The following INTS8 variants were observed in gnomAD, a reference collection of about 807,000 sequenced individuals.
The protein encoded by INTS8 is protein kaonashi-1.
A neutral mutation model predicts 138.9 loss-of-function variants in INTS8; 47 were observed. The observed-to-expected ratio is 0.34, with a 90% CI of 0.27 to 0.43. The LOEUF (loss-of-function observed/expected upper bound fraction) is 0.43, where lower values mean the gene tolerates loss of function less well. Ranked by LOEUF, INTS8 falls within the 20% of genes least tolerant of loss-of-function variation. The probability of loss-of-function intolerance (pLI) is 1.00; values close to 1 mark genes in which losing one functional copy is unlikely to be tolerated. For synonymous variants in INTS8, 392 were observed against 400.9 expected (o/e 0.98, Z 0.27); for missense variants, 996 against 1,173.0 (o/e 0.85, Z 2.20).
intron 15 of INTS8, among the ~76,000 whole-genome samples, chr8:94,859,020 C>T (rs1422579536): frequency 1.3e-5 from 2 of 152,156 alleles, no homozygotes; most frequent in Non-Finnish European, 2.9e-5. Context: ...AATCCCAGCA[C>T]TTTGGGAGTC....
chr8:94,823,358 C>A lies in INTS8; in HGVS notation c.-74C>A. ...CTCTCCCACCGGGTTCCGCATACCCCAGGCACCGGCCCGCATCCAAGTGTC... is the reference window on the plus strand; with the variant it reads ...CTCTCCCACCGGGTTCCGCATACCCAAGGCACCGGCCCGCATCCAAGTGTC... On this transcript the variant is annotated 5_prime_UTR_variant, in exon 1 of 27. Transcript: ENST00000523731. 6.6e-7 allele frequency: 1 copy of A among 1,504,858 alleles called. No individual in the cohort carries two copies. Among genetic ancestry groups the A allele is most frequent in the Non-Finnish European group, 8.8e-7 (1 of 1,130,516 alleles). The allele number at this position is 1,504,858 out of a possible 1,614,324, so 93.2% of individuals were successfully genotyped here.
intron 21 of INTS8, among the ~76,000 whole-genome samples, chr8:94,872,748 C>G (rs1278129872): frequency 6.6e-6 from 1 of 152,134 alleles, no homozygotes; most frequent in Non-Finnish European, 1.5e-5. Context: ...CTCTACAGAT[C>G]AAATAAAATT....
In INTS8 at chr8:94,881,573, A is replaced by T; in HGVS notation, c.*1339A>T. 1 of 1,556,772 alleles carries T rather than the reference A, an allele frequency of 6.4e-7. No homozygotes were observed. Among genetic ancestry groups the T allele is most frequent in the South Asian group, 1.1e-5 (1 of 87,400 alleles). ...ACTTTCTGTAAAACTTTAGTAGTTC[A>T]GTGATACCAGTTCTACCCAATCTTG... On this transcript the variant is annotated 3_prime_UTR_variant, in exon 27 of 27. Coordinates refer to ENST00000523731, the MANE Select transcript of INTS8 (RefSeq NM_017864.4).
chr8:94,857,496 A>G (rs961573523), intron 15 of INTS8, among the ~76,000 whole-genome samples: 1 of 152,224 alleles, frequency 6.6e-6, no homozygotes, highest in Non-Finnish European at 1.5e-5. Flanking sequence ...GTAACAAGGT[A>G]CCACAAACTG....
chr8:94,870,427 T>C (rs1816356243), intron 20 of INTS8, among the ~76,000 whole-genome samples: 2 of 152,246 alleles, frequency 1.3e-5, no homozygotes, highest in East Asian at 3.9e-4. Context: ...ATCTTCATGA[T>C]GAAAGTACTT....
intron 6 of INTS8, among the ~76,000 whole-genome samples, chr8:94,833,817 A>C (rs987642949): frequency 7.9e-5 from 12 of 152,132 alleles, no homozygotes; most frequent in Admixed American, 3.9e-4. Context: ...TGTTGCCCAG[A>C]CTAGAGTGCA....
intron 16 of INTS8, 41 bp downstream of exon 16, chr8:94,859,673 A>G: frequency 6.6e-7 from 1 of 1,507,380 alleles, no homozygotes; most frequent in Non-Finnish European, 9.2e-7. Flanking sequence ...GGATGGTATT[A>G]TTATACTTGT....
intron 10 of INTS8, among the ~76,000 whole-genome samples, chr8:94,845,776 A>G (rs1267121072): frequency 6.6e-6 from 1 of 152,186 alleles, no homozygotes; most frequent in African/African-American, 2.4e-5. Flanking sequence ...TTGCATTTTT[A>G]TGTGTCAACA....
chr8:94,859,163 C>T (rs1450470081), intron 15 of INTS8, among the ~76,000 whole-genome samples: 2 of 151,746 alleles, frequency 1.3e-5, no homozygotes, highest in African/African-American at 4.8e-5. Flanking sequence ...ACCTGTGGTC[C>T]CAGCTACTTG....
chr8:94,845,713 G>A (rs1344457737), intron 10 of INTS8, among the ~76,000 whole-genome samples: 4 of 151,990 alleles, frequency 2.6e-5, no homozygotes, highest in East Asian at 1.9e-4. Context: ...TGCCCGCCTC[G>A]GCCTCCCAAA....
intron 26 of INTS8, 123 bp downstream of exon 26, chr8:94,876,612 GTTTAC>G (rs1816573889): frequency 8.9e-6 from 5 of 562,982 alleles, no homozygotes; most frequent in South Asian, 8.3e-5. Context: ...TATTATCAGT[GTTTAC>G]TTTATAAAAG....
chr8:94,841,518 A>G lies in INTS8; in HGVS notation c.1045A>G (p.Asn349Asp), dbSNP rs1815131967. 1.2e-6 allele frequency: 2 copies of G among 1,606,272 alleles called. No individual in the cohort carries two copies. Among genetic ancestry groups the G allele is most frequent in the Non-Finnish European group, 1.7e-6 (2 of 1,174,494 alleles). Residue 349 changes from asparagine to aspartate, a missense_variant, in exon 9 of 27, where the codon AAC becomes GAC. Physicochemically the swap from Asn to Asp is conservative, Grantham distance 23. Transcript: ENST00000523731. ...GGTAATACAGATTTTCATTGAAGAC[A>G]ACTTAACCTTGAGTTTACCTGTCCA... ...QEVIQIFIEDNLTLSLPVQFR... is the reference protein window; with the variant it reads ...QEVIQIFIEDDLTLSLPVQFR...
intron 22 of INTS8, among the ~76,000 whole-genome samples, chr8:94,874,250 T>C (rs899656468): frequency 2.5e-4 from 38 of 151,756 alleles, no homozygotes; most frequent in African/African-American, 8.9e-4. Flanking sequence ...TTTGTCCGTT[T>C]TTTTTTTTGA....
chr8:94,835,586 T>C (rs371796101), intron 6 of INTS8, among the ~76,000 whole-genome samples: 1 of 151,366 alleles, frequency 6.6e-6, no homozygotes, highest in Non-Finnish European at 1.5e-5. Context: ...TTCAGACTTG[T>C]AGGAGGCAGA....
Position 94,827,353 on chromosome 8 carries a change from G to C in INTS8, c.396G>C (p.Leu132=). ...GGACAAAGCATGTAGACATGGATCT[G>C]GCCACTTTACCTCCGACCACTGCCA... ...PPGTKHVDMD[L]ATLPPTTAMA... Residue 132 remains leucine, a synonymous_variant, in exon 3 of 27, where the codon CTG becomes CTC. Transcript: ENST00000523731. 1 of 1,613,982 alleles carries C rather than the reference G, an allele frequency of 6.2e-7. No homozygotes were observed. The highest frequency in any genetic ancestry group is 8.5e-7 in the Non-Finnish European group (1 of 1,179,894).
chr8:94,860,806 A>G (rs1586510774), intron 16 of INTS8, among the ~76,000 whole-genome samples: 3 of 152,112 alleles, frequency 2.0e-5, no homozygotes, highest in African/African-American at 7.2e-5. Flanking sequence ...CTGCAATCCC[A>G]GCACTTTGGG....
At chr8:94,828,664 A>C (rs1335626925) in intron 4 of INTS8, among the ~76,000 whole-genome samples, 1 of 152,124 alleles carries the variant, frequency 6.6e-6, no homozygotes, top group African/African-American at 2.4e-5. Context: ...CACACCTGTA[A>C]TCCTAACACT....
chr8:94,853,694 C>T (rs1293183553), intron 13 of INTS8, 111 bp from the exon 14 acceptor site: 5 of 597,624 alleles, frequency 8.4e-6, no homozygotes, highest in South Asian at 2.2e-5. Flanking sequence ...CTTTAAGAGA[C>T]GACCCGTGAG....
chr8:94,852,657 TG>T (rs1295632796), intron 13 of INTS8, among the ~76,000 whole-genome samples: 2 of 152,006 alleles, frequency 1.3e-5, no homozygotes, highest in Non-Finnish European at 2.9e-5. Context: ...GGTGCGATCT[TG>T]GCTCACTGCA....
Sources: allele counts gnomAD v4.1 joint callset (sites outside exome capture counted in the v4.1 genomes callset), GRCh38; gene constraint gnomAD v4.1.1; transcripts MANE v1.5; gene names NCBI Gene and HGNC (gene_info 2026-07-23, HGNC 2026-07-21).